LLGL2: variants seen among roughly 807,000 people sequenced by gnomAD.
LLGL2 encodes LLGL2, scribble cell polarity complex component.
LLGL2 carries 81 observed loss-of-function variants against 123.2 expected under a neutral mutation model. That is an observed-to-expected ratio of 0.66 (90% CI 0.55 to 0.79). The LOEUF (loss-of-function observed/expected upper bound fraction) is 0.79. Ranked by LOEUF, LLGL2 falls within the 30% of genes least tolerant of loss-of-function variation. The pLI, the probability that LLGL2 is intolerant of heterozygous loss-of-function variation, is 0.00. For synonymous variants in LLGL2, 577 were observed against 594.1 expected (o/e 0.97, Z 0.42); for missense variants, 1,273 against 1,414.6 (o/e 0.90, Z 1.61).
At chr17:75,540,703 T>C (rs557197827) in intron 1 of LLGL2, among the ~76,000 whole-genome samples, 9 of 152,336 alleles carry the variant, frequency 5.9e-5, no homozygotes, top group South Asian at 2.1e-4. Context: ...TGGGGTCCAG[T>C]CCGAGTTCTG....
Position 75,530,502 on chromosome 17 carries a change from T to C in LLGL2, c.-31+4677T>C, listed in dbSNP as rs576593327. On this transcript the variant is annotated intron_variant, in intron 1 of 25. Coordinates refer to ENST00000392550, the MANE Select transcript of LLGL2 (RefSeq NM_001031803.2). ...TGTCTCTACTAAAAATACAAAAAATTAGCTGGGCATGGTGGTGGGCACCTG... is the reference window on the plus strand; with the variant it reads ...TGTCTCTACTAAAAATACAAAAAATCAGCTGGGCATGGTGGTGGGCACCTG... Among the ~76,000 whole-genome samples the C allele has an allele frequency of 1.3e-4, 20 of 152,106 alleles. No homozygotes were observed. The South Asian group carries it at 4.2e-3, about 32-fold the overall frequency.
chr17:75,558,467 G>A lies in LLGL2; in HGVS notation c.256-45G>A. The A allele has an allele frequency of 6.6e-7, 1 of 1,510,250 alleles. No homozygotes were observed. Among genetic ancestry groups the A allele is most frequent in the Non-Finnish European group, 9.0e-7 (1 of 1,110,860 alleles). 93.6% of individuals were successfully genotyped at this position (1,510,250 alleles called of 1,614,324 possible). A position where few individuals can be genotyped will look rare whatever the true frequency, so the allele number is the denominator to read the frequency against. On this transcript the variant is annotated intron_variant, in intron 4 of 25. Transcript: ENST00000392550. This position sits in a 1 kb window ranked among gnomAD's most constrained non-coding sequence, Gnocchi z 4.0. Reference sequence around the variant, plus strand: ...CGTGGCCCCAGTGTGTAAAGGCCTTGCCTGGGTAGCAAGACCACATGATCC... The same window carrying A: ...CGTGGCCCCAGTGTGTAAAGGCCTTACCTGGGTAGCAAGACCACATGATCC...
intron 1 of LLGL2, among the ~76,000 whole-genome samples, chr17:75,529,361 T>TAATTTTTG (rs1471147521): frequency 6.6e-6 from 1 of 151,314 alleles, no homozygotes; most frequent in Non-Finnish European, 1.5e-5. Context: ...CAGGCCCAGC[T>TAATTTTTG]AATTTTTGTA....
chr17:75,560,107 A>G (rs947373453), intron 6 of LLGL2, among the ~76,000 whole-genome samples: 1 of 151,950 alleles, frequency 6.6e-6, no homozygotes, highest in Admixed American at 6.6e-5. Context: ...CCTGGGACAC[A>G]CTCCTGCAGC....
chr17:75,565,858 C>G (rs2055422543), intron 10 of LLGL2, among the ~76,000 whole-genome samples: 2 of 152,210 alleles, frequency 1.3e-5, no homozygotes. Flanking sequence ...TTGGTAGGCT[C>G]TCCTGTTTAA....
chr17:75,527,622 C>T (rs888104641), intron 1 of LLGL2, among the ~76,000 whole-genome samples: 1 of 147,142 alleles, frequency 6.8e-6, no homozygotes, highest in Middle Eastern at 3.2e-3. Flanking sequence ...TTCTTTTTTT[C>T]TTTAATAATA....
chr17:75,561,322 G>C (rs1427734790), intron 6 of LLGL2, among the ~76,000 whole-genome samples: 1 of 152,150 alleles, frequency 6.6e-6, no homozygotes, highest in Non-Finnish European at 1.5e-5. Flanking sequence ...ATTTTCATCT[G>C]TGTAAGGACA....
At chr17:75,555,274 T>C (rs983320594) in intron 2 of LLGL2, among the ~76,000 whole-genome samples, 31 of 142,572 alleles carry the variant, frequency 2.2e-4, no homozygotes, top group African/African-American at 7.1e-4. Flanking sequence ...TTGTGGGAGT[T>C]TGGGTAATTT....
Position 75,558,424 on chromosome 17 carries a change from T to G in LLGL2, c.256-88T>G, listed in dbSNP as rs1478850883. 1 of 1,274,378 alleles carries G rather than the reference T, an allele frequency of 7.8e-7. No individual in the cohort carries two copies. Among genetic ancestry groups the G allele is most frequent in the Non-Finnish European group, 1.1e-6 (1 of 917,460 alleles). The allele number at this position is 1,274,378 out of a possible 1,614,324, so 78.9% of individuals were successfully genotyped here. A position where few individuals can be genotyped will look rare whatever the true frequency, so the allele number is the denominator to read the frequency against. On this transcript the variant is annotated intron_variant, in intron 4 of 25. Coordinates refer to ENST00000392550, the MANE Select transcript of LLGL2 (RefSeq NM_001031803.2). The surrounding 1 kb of genome is among the most constrained non-coding windows in gnomAD (Gnocchi z 4.0). ...CACCCTGGGAGTGGCCAGGGGGTCT[T>G]TTAAACAACTGGGGCTGCGTGGCCC...
In LLGL2 at chr17:75,556,129, T is replaced by G. The variant is rs1221454350; in HGVS notation, c.159T>G (p.Ser53=). 1 of 1,609,964 alleles carries G rather than the reference T, an allele frequency of 6.2e-7. No homozygotes were observed. Among genetic ancestry groups the G allele is most frequent in the East Asian group, 2.2e-5 (1 of 44,878 alleles). The change falls in exon 3 of 26, where the codon TCT becomes TCG. Residue 53 remains serine (S), a synonymous_variant. Transcript: ENST00000392550. ...SLRILAIGTR[S]GAIKLYGAPG... ...GCATCCTGGCCATCGGCACCCGTTC[T>G]GGAGCCATCAAGCTGTATCCTCCGT...
At position 75,558,437 on chromosome 17, in the gene LLGL2, G is replaced by A; in HGVS notation, c.256-75G>A. On this transcript the variant is annotated intron_variant, in intron 4 of 25. Transcript: ENST00000392550. This position sits in a 1 kb window ranked among gnomAD's most constrained non-coding sequence, Gnocchi z 4.0. ...GCCAGGGGGTCTTTTAAACAACTGG[G>A]GCTGCGTGGCCCCAGTGTGTAAAGG... is the stretch of plus-strand genomic sequence containing the variant. 1.5e-6 allele frequency: 2 copies of A among 1,324,916 alleles called. No individual in the cohort carries two copies. Among genetic ancestry groups the A allele is most frequent in the Non-Finnish European group, 2.1e-6 (2 of 954,686 alleles). 82.1% of individuals were successfully genotyped at this position (1,324,916 alleles called of 1,614,324 possible). A position where few individuals can be genotyped will look rare whatever the true frequency, so the allele number is the denominator to read the frequency against.
At chr17:75,537,354 C>A (rs1272565541) in intron 1 of LLGL2, among the ~76,000 whole-genome samples, 1 of 152,074 alleles carries the variant, frequency 6.6e-6, no homozygotes, top group Non-Finnish European at 1.5e-5. Context: ...CCATCTTGAC[C>A]ATTCTCAGGA....
In LLGL2 at chr17:75,525,774, C is replaced by T; in HGVS notation, c.-82C>T. The T allele has an allele frequency of 9.9e-6, 1 of 101,374 alleles. No individual in the cohort carries two copies. Among genetic ancestry groups the T allele is most frequent in the East Asian group, 2.9e-4 (1 of 3,502 alleles). 6.3% of individuals were successfully genotyped at this position (101,374 alleles called of 1,614,324 possible). A position where few individuals can be genotyped will look rare whatever the true frequency, so the allele number is the denominator to read the frequency against. ...GCGGCGGAGCGAGCGGGGCCGGCGG[C>T]GGGCGCCGAGGGACGCCGAGGCCTC... On this transcript the variant is annotated 5_prime_UTR_variant, in exon 1 of 26. Coordinates refer to ENST00000392550, the MANE Select transcript of LLGL2 (RefSeq NM_001031803.2). The surrounding 1 kb of genome is among the most constrained non-coding windows in gnomAD (Gnocchi z 4.8).
Position 75,558,421 on chromosome 17 carries a change from T to TC in LLGL2, c.256-90dup. The TC allele has an allele frequency of 8.2e-7, 1 of 1,219,602 alleles. No individual in the cohort carries two copies. Among genetic ancestry groups the TC allele is most frequent in the Middle Eastern group, 2.2e-4 (1 of 4,576 alleles). 75.5% of individuals were successfully genotyped at this position (1,219,602 alleles called of 1,614,324 possible). A position where few individuals can be genotyped will look rare whatever the true frequency, so the allele number is the denominator to read the frequency against. On this transcript the variant is annotated intron_variant, in intron 4 of 25. Transcript: ENST00000392550. The surrounding 1 kb of genome is among the most constrained non-coding windows in gnomAD (Gnocchi z 4.0). ...GGCCACCCTGGGAGTGGCCAGGGGG[T>TC]CTTTTAAACAACTGGGGCTGCGTGG...
intron 2 of LLGL2, among the ~76,000 whole-genome samples, chr17:75,552,536 G>C (rs1005309365): frequency 3.9e-5 from 6 of 152,190 alleles, no homozygotes; most frequent in Admixed American, 1.3e-4. Context: ...ATATTTTGAC[G>C]TGTGATTAAC....
rs1290830406 is a variant in LLGL2, at chr17:75,556,024, C to T, written c.76-22C>T. ...CGAAGGGGACAGGTCTGCAGGCCCA[C>T]CCCACGTGCTTCTCGTTGCAGACGG... On this transcript the variant is annotated intron_variant, in intron 2 of 25. Coordinates refer to ENST00000392550, the MANE Select transcript of LLGL2 (RefSeq NM_001031803.2). The T allele has an allele frequency of 6.9e-6, 11 of 1,596,744 alleles. No homozygotes were observed. In the Admixed American group the frequency reaches 1.5e-4, roughly 22 times the overall value.
chr17:75,530,728 T>G (rs1008938231), intron 1 of LLGL2, among the ~76,000 whole-genome samples: 6 of 150,076 alleles, frequency 4.0e-5, no homozygotes, highest in African/African-American at 1.2e-4. Context: ...GGAGGATCGC[T>G]TGAGCCCAAG....
Position 75,537,337 on chromosome 17 carries a change from T to C in LLGL2, c.-30-6060T>C, listed in dbSNP as rs2054041489. 2.0e-5 allele frequency among the ~76,000 whole-genome samples: 3 copies of C among 151,780 alleles called. No individual in the cohort carries two copies. The South Asian group carries it at 6.3e-4, about 32-fold the overall frequency. ...TATCCTAAGGTGTGTTTCTTCCCCA[T>C]CTGAACCCATCTTGACCATTCTCAG... On this transcript the variant is annotated intron_variant, in intron 1 of 25. Transcript: ENST00000392550.
intron 1 of LLGL2, among the ~76,000 whole-genome samples, chr17:75,535,610 G>A (rs2053971544): frequency 6.6e-6 from 1 of 152,246 alleles, no homozygotes; most frequent in East Asian, 1.9e-4. Flanking sequence ...ACAGTGGCAG[G>A]GTGGGAGAAG....
Sources: allele counts gnomAD v4.1 joint callset (sites outside exome capture counted in the v4.1 genomes callset), GRCh38; gene constraint gnomAD v4.1.1; non-coding constraint Gnocchi (gnomAD v3.1); transcripts MANE v1.5; gene names NCBI Gene and HGNC (gene_info 2026-07-23, HGNC 2026-07-21).